KIAA1549L: variants seen among roughly 807,000 people sequenced by gnomAD.
The protein encoded by KIAA1549L is UPF0606 protein KIAA1549L.
In KIAA1549L, 88 loss-of-function variants were observed where a neutral mutation model predicts 160.7. The observed-to-expected ratio is 0.55, with a 90% CI of 0.46 to 0.65. KIAA1549L has a LOEUF of 0.65. Among genes scored for constraint, KIAA1549L ranks in the 30% least tolerant of loss-of-function variants. The probability of loss-of-function intolerance (pLI) is 0.00; values close to 1 mark genes in which losing one functional copy is unlikely to be tolerated. For missense variants in KIAA1549L, 2,258 were observed against 2,437.5 expected (o/e 0.93, Z 1.55); for synonymous variants, 950 against 976.7 (o/e 0.97, Z 0.51).
intron 1 of KIAA1549L, among the ~76,000 whole-genome samples, chr11:33,528,963 A>T (rs539122393): frequency 6.6e-6 from 1 of 152,310 alleles, no homozygotes; most frequent in South Asian, 2.1e-4. Flanking sequence ...CCCCAAAATT[A>T]TTGAAATGTT....
At chr11:33,396,362 G>A (rs2134056601) in intron 1 of KIAA1549L, among the ~76,000 whole-genome samples, 1 of 152,294 alleles carries the variant, frequency 6.6e-6, no homozygotes, top group East Asian at 1.9e-4. Flanking sequence ...AATAAAAATA[G>A]TGATGTATAA....
intron 12 of KIAA1549L, 123 bp downstream of exon 12, chr11:33,591,544 G>C (rs557009040): frequency 1.8e-4 from 135 of 763,352 alleles, no homozygotes; most frequent in Middle Eastern, 1.6e-3. Context: ...TGCTCATTTT[G>C]AATATTTGAA....
At chr11:33,537,707 G>A (rs577469400) in intron 1 of KIAA1549L, among the ~76,000 whole-genome samples, 80 of 152,256 alleles carry the variant, frequency 5.3e-4, no homozygotes, top group South Asian at 1.2e-3. Flanking sequence ...GTTTTAGGGA[G>A]ATTGTGGTTT....
At chr11:33,544,527 G>T (rs999095927) in intron 2 of KIAA1549L, among the ~76,000 whole-genome samples, 191 bp downstream of exon 2, 1 of 152,118 alleles carries the variant, frequency 6.6e-6, no homozygotes. Context: ...CTGAGCTTTC[G>T]AAACTATTCA....
intron 1 of KIAA1549L, among the ~76,000 whole-genome samples, chr11:33,444,041 A>T (rs535638710): frequency 6.6e-6 from 1 of 152,344 alleles, no homozygotes; most frequent in Non-Finnish European, 1.5e-5. Flanking sequence ...CCAGTAAAAT[A>T]TTAAATTAGA....
At chr11:33,523,831 C>T (rs73488989) in intron 1 of KIAA1549L, among the ~76,000 whole-genome samples, 5,079 of 152,180 alleles carry the variant, frequency 0.033, 266 homozygotes, top group African/African-American at 0.12. Flanking sequence ...TATATAATTG[C>T]ACAGATGTGA....
At chr11:33,474,518 TA>T (rs1852244478) in intron 1 of KIAA1549L, among the ~76,000 whole-genome samples, 1 of 152,174 alleles carries the variant, frequency 6.6e-6, no homozygotes, top group Admixed American at 6.5e-5. Context: ...TGCCTGACAA[TA>T]TGCGATTCTA....
chr11:33,529,469 C>G (rs1853689160), intron 1 of KIAA1549L, among the ~76,000 whole-genome samples: 1 of 152,128 alleles, frequency 6.6e-6, no homozygotes, highest in Non-Finnish European at 1.5e-5. Flanking sequence ...AAGTTATGTT[C>G]CAAATACTCT....
At chr11:33,579,241 G>A (rs1207139867) in intron 10 of KIAA1549L, among the ~76,000 whole-genome samples, 1 of 152,142 alleles carries the variant, frequency 6.6e-6, no homozygotes, top group South Asian at 2.1e-4. Context: ...AAAGGGCTTG[G>A]TGCAGTCCTG....
chr11:33,514,048 C>T (rs749492984), intron 1 of KIAA1549L, among the ~76,000 whole-genome samples: 30 of 152,300 alleles, frequency 2.0e-4, no homozygotes, highest in Middle Eastern at 3.4e-3. Flanking sequence ...CCCTCTGCAC[C>T]GGTTACAAGG....
intron 16 of KIAA1549L, among the ~76,000 whole-genome samples, chr11:33,632,512 AAGG>A (rs1235187696): frequency 1.3e-5 from 2 of 152,218 alleles, no homozygotes; most frequent in East Asian, 3.9e-4. Flanking sequence ...ACAGGGAGAG[AAGG>A]AGATGGATGC....
Position 33,499,347 on chromosome 11 carries a change from G to A in KIAA1549L, c.239-42455G>A, listed in dbSNP as rs147000758. ...GGCATCCTTCACTAACTAGACTTGT[G>A]TACAAACTCTCATAGGTTTAAGTAG... On this transcript the variant is annotated intron_variant, in intron 1 of 20. Transcript: ENST00000658780. Among the ~76,000 whole-genome samples, 195 of 152,276 alleles carry A rather than the reference G, an allele frequency of 1.3e-3. 4 individuals are homozygous for A. The highest frequency in any genetic ancestry group is 4.5e-3 in the African/African-American group (188 of 41,554).
At chr11:33,624,200 T>C (rs1851034439) in intron 16 of KIAA1549L, among the ~76,000 whole-genome samples, 1 of 152,204 alleles carries the variant, frequency 6.6e-6, no homozygotes, top group South Asian at 2.1e-4. Flanking sequence ...TGTGCATATG[T>C]ACTCTAGAAT....
At chr11:33,516,983 T>C (rs940826679) in intron 1 of KIAA1549L, among the ~76,000 whole-genome samples, 2 of 152,250 alleles carry the variant, frequency 1.3e-5, no homozygotes, top group African/African-American at 4.8e-5. Flanking sequence ...CTCTCAAAGA[T>C]GATATTGAGT....
In KIAA1549L at chr11:33,645,809, G is replaced by A. The variant is rs529048568; in HGVS notation, c.5533G>A (p.Asp1845Asn). ...CACACTGAGCTCCCAGCCATCCATCGACGAGGTCAGGCAGCAGATGCACAT... is the reference window on the plus strand; with the variant it reads ...CACACTGAGCTCCCAGCCATCCATCAACGAGGTCAGGCAGCAGATGCACAT... ...TSTLSSQPSIDEVRQQMHMLL... is the reference protein window; with the variant it reads ...TSTLSSQPSINEVRQQMHMLL... The change falls in exon 17 of 21, where the codon GAC (aspartate) becomes AAC (asparagine). Residue 1845 changes from aspartate to asparagine, a missense_variant. By Grantham distance (23) the Asp-to-Asn change is conservative. Around this residue, in one of 6 missense-constraint regions of KIAA1549L, gnomAD observed 1,359 missense variants for 1,546.6 expected, o/e 0.88. Coordinates refer to ENST00000658780, the MANE Select transcript of KIAA1549L (RefSeq NM_012194.3). 2.5e-6 allele frequency: 4 copies of A among 1,613,958 alleles called. No homozygotes were observed. The African/African-American group carries it at 4.0e-5, about 16-fold the overall frequency.
rs569122542 is a variant in KIAA1549L, at chr11:33,669,946, G to C, written c.*1792G>C. On this transcript the variant is annotated 3_prime_UTR_variant, in exon 21 of 21. Transcript: ENST00000658780. ...AATAAAATGTATTTTTGTAATTCCC[G>C]TGTGTATATATGGTATATTTCTATC... 1 of 152,174 alleles carries C rather than the reference G, an allele frequency of 6.6e-6. No homozygotes were observed. The highest frequency in any genetic ancestry group is 2.4e-5 in the African/African-American group (1 of 41,434). 9.4% of individuals were successfully genotyped at this position (152,174 alleles called of 1,614,324 possible).
At chr11:33,408,840 C>T (rs113295850) in intron 1 of KIAA1549L, among the ~76,000 whole-genome samples, 158 of 146,854 alleles carry the variant, frequency 1.1e-3, no homozygotes, top group African/African-American at 3.9e-3. Context: ...ATCCCAGCTA[C>T]TCGGGAGGGC....
At chr11:33,436,874 G>A (rs2132935541) in intron 1 of KIAA1549L, among the ~76,000 whole-genome samples, 1 of 152,336 alleles carries the variant, frequency 6.6e-6, no homozygotes, top group South Asian at 2.1e-4. Context: ...CATTCAACTT[G>A]TTGGAGGCAG....
intron 11 of KIAA1549L, among the ~76,000 whole-genome samples, chr11:33,588,995 C>G (rs1849964398): frequency 6.6e-6 from 1 of 152,178 alleles, no homozygotes; most frequent in Non-Finnish European, 1.5e-5. Context: ...GGCCACAGTT[C>G]TAGACTGGAT....
Sources: gnomAD v4.1 joint callset for allele counts (sites outside exome capture counted in the v4.1 genomes callset) on GRCh38, gnomAD v4.1.1 for gene constraint, gnomAD v4.1.1 regional missense constraint, MANE v1.5 for transcripts, NCBI Gene and HGNC (gene_info 2026-07-23, HGNC 2026-07-21) for gene names.